PLEKHA6: variants seen among roughly 807,000 people sequenced by gnomAD.
The protein encoded by PLEKHA6 is pleckstrin homology domain-containing family A member 6.
PLEKHA6 carries 60 observed loss-of-function variants against 116.7 expected under a neutral mutation model. The observed-to-expected ratio is 0.51, with a 90% confidence interval of 0.42 to 0.64. The LOEUF (loss-of-function observed/expected upper bound fraction) is 0.64. Among genes scored for constraint, PLEKHA6 ranks in the 30% least tolerant of loss-of-function variants. The pLI is 0.00. For missense variants in PLEKHA6, 1,338 were observed against 1,422.7 expected (o/e 0.94, Z 0.96); for synonymous variants, 489 against 556.1 (o/e 0.88, Z 1.70).
At chr1:204,310,984 A>C (rs1185270453) in intron 1 of PLEKHA6, among the ~76,000 whole-genome samples, 1 of 152,190 alleles carries the variant, frequency 6.6e-6, no homozygotes, top group African/African-American at 2.4e-5. Context: ...GAGTTAGGGA[A>C]ACCCCTTATC....
chr1:204,261,823 C>T lies in PLEKHA6; in HGVS notation c.382-375G>A, dbSNP rs1666156041. ...ATGACCCCATGTCTGGGAGAGAGGA[C>T]CCCCTGAGCACATGCCAATCTTAGC... On this transcript the variant is annotated intron_variant, in intron 6 of 22. Coordinates refer to ENST00000272203, the MANE Select transcript of PLEKHA6 (RefSeq NM_014935.5). This position sits in a 1 kb window ranked among gnomAD's most constrained non-coding sequence, Gnocchi z 4.0. The T allele has an allele frequency of 8.1e-6, 3 of 369,858 alleles. No homozygotes were observed. The highest frequency in any genetic ancestry group is 9.7e-6 in the Non-Finnish European group (2 of 206,888). 22.9% of individuals were successfully genotyped at this position (369,858 alleles called of 1,614,324 possible).
intron 3 of PLEKHA6, chr1:204,367,650 C>T (rs1158075084): frequency 6.6e-6 from 1 of 152,452 alleles, no homozygotes; most frequent in Middle Eastern, 3.4e-3. Context: ...ATCTCTATCT[C>T]AGCTCTCAGG....
chr1:204,248,966 C>T lies in PLEKHA6; in HGVS notation c.1679G>A (p.Ser560Asn). Reference protein sequence around the residue: ...LVQQLRAEKESLESALMGTHQ... With the variant: ...LVQQLRAEKENLESALMGTHQ... ...GGTCCCCATCAAGGCACTTTCCAGGCTCTCCTGAAGAAAGGCAGGGGAATG... is the reference window on the plus strand; with the variant it reads ...GGTCCCCATCAAGGCACTTTCCAGGTTCTCCTGAAGAAAGGCAGGGGAATG... The change falls in exon 12 of 23, where the codon AGC (serine) becomes AAC (asparagine). Residue 560 changes from serine to asparagine, a missense_variant. Around this residue, in one of 3 missense-constraint regions of PLEKHA6, gnomAD observed 1,136 missense variants for 1,163.6 expected, o/e 0.98. Transcript: ENST00000272203. 1 of 1,613,866 alleles carries T rather than the reference C, an allele frequency of 6.2e-7. No individual in the cohort carries two copies. Among genetic ancestry groups the T allele is most frequent in the Non-Finnish European group, 8.5e-7 (1 of 1,179,884 alleles).
At chr1:204,274,523 TGCTAG>T in intron 2 of PLEKHA6, 1 of 872,374 alleles carries the variant, frequency 1.1e-6, no homozygotes, top group African/African-American at 1.8e-5. Context: ...CCCTGGCTTT[TGCTAG>T]ACCCTAGGAA....
At chr1:204,323,243 C>A (rs888828207) in intron 1 of PLEKHA6, among the ~76,000 whole-genome samples, 1 of 152,262 alleles carries the variant, frequency 6.6e-6, no homozygotes, top group African/African-American at 2.4e-5. Context: ...TTAGATGGGG[C>A]ACTCTCCCAA....
intron 1 of PLEKHA6, among the ~76,000 whole-genome samples, chr1:204,321,845 G>A (rs988925567): frequency 4.1e-5 from 6 of 148,050 alleles, no homozygotes; most frequent in South Asian, 4.3e-4. Context: ...AGACTCAGTC[G>A]GCTGGCCCCA....
intron 1 of PLEKHA6, among the ~76,000 whole-genome samples, chr1:204,373,155 G>A (rs945469516): frequency 1.5e-4 from 21 of 144,064 alleles, no homozygotes; most frequent in Non-Finnish European, 2.8e-4. Context: ...GCAGTGGCAC[G>A]ATCTTGCCTC....
At chr1:204,296,228 T>C (rs534533153) in intron 1 of PLEKHA6, among the ~76,000 whole-genome samples, 52 of 152,266 alleles carry the variant, frequency 3.4e-4, no homozygotes, top group Non-Finnish European at 6.5e-4. Context: ...CCCATGTGGA[T>C]TTCTGAACAC....
upstream of PLEKHA6, among the ~76,000 whole-genome samples, chr1:204,361,023 T>C (rs1673547063): frequency 6.6e-6 from 1 of 152,162 alleles, no homozygotes; most frequent in Non-Finnish European, 1.5e-5. Context: ...AACCAAAAGA[T>C]TCCCACCTCA....
intron 1 of PLEKHA6, among the ~76,000 whole-genome samples, chr1:204,307,654 G>C (rs1030527027): frequency 6.6e-6 from 1 of 152,240 alleles, no homozygotes; most frequent in African/African-American, 2.4e-5. Flanking sequence ...CCTCGGGTCT[G>C]ATGGCTTACC....
Position 204,230,538 on chromosome 1 carries a change from T to A in PLEKHA6, c.2458A>T (p.Ser820Cys), listed in dbSNP as rs748432476. 77 of 1,601,676 alleles carry A rather than the reference T, an allele frequency of 4.8e-5. No homozygotes were observed. The East Asian group carries it at 1.7e-3, about 35-fold the overall frequency. ...ATTCGGTCAATCTGCTCCTCCACGCTCATCTTGACCTTCCCCTCGCCAGGA... is the reference window on the plus strand; with the variant it reads ...ATTCGGTCAATCTGCTCCTCCACGCACATCTTGACCTTCCCCTCGCCAGGA... ...VFPGEGKVKM[S>C]VEEQIDRMRR... Residue 820 changes from serine (S) to cysteine (C), a missense_variant, in exon 18 of 23, where the codon AGC (serine) becomes TGC (cysteine). Transcript: ENST00000272203.
Position 204,248,043 on chromosome 1 carries a change from C to T in PLEKHA6, c.1825-583G>A, listed in dbSNP as rs1363992863. The stretch of plus-strand genomic sequence containing the variant: ...AGAGGTTAGAGAGCTTCCTCCTTTC[C>T]GAGCCACACTTTCACGGGGCTTTTT... On this transcript the variant is annotated intron_variant, in intron 12 of 22. Coordinates refer to ENST00000272203, the MANE Select transcript of PLEKHA6 (RefSeq NM_014935.5). Among the ~76,000 whole-genome samples the T allele has an allele frequency of 7.9e-5, 12 of 151,994 alleles. 1 individual carries two copies. The highest frequency in any genetic ancestry group is 2.6e-4 in the Admixed American group (4 of 15,260).
chr1:204,245,893 T>A (rs528341104), intron 13 of PLEKHA6, among the ~76,000 whole-genome samples, 167 bp from the exon 14 acceptor site: 1 of 152,036 alleles, frequency 6.6e-6, no homozygotes, highest in South Asian at 2.1e-4. Flanking sequence ...CCTCCAGCAG[T>A]CATCTTTCCC....
At chr1:204,242,136 TG>T (rs934516176) in intron 15 of PLEKHA6, among the ~76,000 whole-genome samples, 3 of 151,958 alleles carry the variant, frequency 2.0e-5, no homozygotes, top group Non-Finnish European at 2.9e-5. Flanking sequence ...GAATGGCCGG[TG>T]GGGGGTCTCT....
chr1:204,314,657 T>C (rs556964948), intron 1 of PLEKHA6, among the ~76,000 whole-genome samples: 2 of 152,230 alleles, frequency 1.3e-5, no homozygotes, highest in Non-Finnish European at 1.5e-5. Flanking sequence ...AGAATCCTCC[T>C]TAACTTCTTC....
At chr1:204,318,217 G>A (rs1208611347) in intron 1 of PLEKHA6, among the ~76,000 whole-genome samples, 1 of 152,210 alleles carries the variant, frequency 6.6e-6, no homozygotes. Context: ...TTTAGAGAAG[G>A]AGACAGAGGT....
At chr1:204,285,378 C>A (rs531022419) in intron 1 of PLEKHA6, among the ~76,000 whole-genome samples, 14 of 152,242 alleles carry the variant, frequency 9.2e-5, no homozygotes, top group African/African-American at 3.1e-4. Context: ...ATGATATACT[C>A]CAAAGTTCAC....
intron 1 of PLEKHA6, chr1:204,313,558 C>T: frequency 1.0e-6 from 1 of 984,506 alleles, no homozygotes. Context: ...GACCTTGAGG[C>T]TACTGCTTCT....
intron 1 of PLEKHA6, among the ~76,000 whole-genome samples, chr1:204,302,917 T>A (rs1435943493): frequency 6.9e-6 from 1 of 145,510 alleles, no homozygotes; most frequent in Non-Finnish European, 1.5e-5. Context: ...AACCACTGCC[T>A]GTCACCATCA....
Sources: gnomAD v4.1 joint callset for allele counts (sites outside exome capture counted in the v4.1 genomes callset) on GRCh38, gnomAD v4.1.1 for gene constraint, gnomAD v4.1.1 regional missense constraint, Gnocchi (gnomAD v3.1) non-coding constraint, MANE v1.5 for transcripts, NCBI Gene and HGNC (gene_info 2026-07-23, HGNC 2026-07-21) for gene names.